NRXN1: variants seen among roughly 807,000 people sequenced by gnomAD.
NRXN1 encodes the protein neurexin 1, also known as neurexin-1.
NRXN1 carries 39 observed loss-of-function variants against 150.9 expected under a neutral mutation model. That is an observed-to-expected ratio of 0.26 (90% CI 0.20 to 0.34). The LOEUF is 0.34. Ranked by LOEUF, NRXN1 falls within the 10% of genes least tolerant of loss-of-function variation. NRXN1 has a pLI of 1.00. For synonymous variants in NRXN1, 924 were observed against 757.0 expected (o/e 1.22, Z -3.62); for missense variants, 1,815 against 1,949.9 (o/e 0.93, Z 1.30).
intron 5 of NRXN1, among the ~76,000 whole-genome samples, chr2:50,770,800 A>G (rs909613317): frequency 6.6e-6 from 1 of 152,066 alleles, no homozygotes; most frequent in African/African-American, 2.4e-5. Context: ...GAGAGAGAGT[A>G]AAGTAATTAG....
chr2:50,460,310 C>G (rs936915017), intron 17 of NRXN1, among the ~76,000 whole-genome samples: 1 of 152,092 alleles, frequency 6.6e-6, no homozygotes, highest in Non-Finnish European at 1.5e-5. Flanking sequence ...AGAAAACATT[C>G]TGACTGGGTT....
intron 2 of NRXN1, among the ~76,000 whole-genome samples, chr2:50,940,661 T>C (rs575879395): frequency 6.6e-6 from 1 of 152,226 alleles, no homozygotes; most frequent in Admixed American, 6.5e-5. Flanking sequence ...TACTTAAGGA[T>C]AGTAAGTACA....
chr2:50,665,411 T>C (rs895245241), intron 5 of NRXN1, among the ~76,000 whole-genome samples: 3 of 151,938 alleles, frequency 2.0e-5, no homozygotes, highest in African/African-American at 7.2e-5. Context: ...ATCTCAACTC[T>C]TTATGTTTTA....
chr2:50,749,759 G>T (rs1489201902), intron 5 of NRXN1, among the ~76,000 whole-genome samples: 2 of 151,914 alleles, frequency 1.3e-5, no homozygotes, highest in Admixed American at 1.3e-4. Context: ...AACCTCAAAG[G>T]TCATTTGAAT....
intron 18 of NRXN1, among the ~76,000 whole-genome samples, chr2:50,097,735 G>A (rs1442234903): frequency 1.3e-5 from 2 of 151,338 alleles, no homozygotes; most frequent in African/African-American, 2.4e-5. Flanking sequence ...TGCTTCCTTT[G>A]TTCAAGTGAT....
intron 21 of NRXN1, among the ~76,000 whole-genome samples, chr2:49,998,587 A>G (rs1683382482): frequency 6.6e-6 from 1 of 152,154 alleles, no homozygotes; most frequent in Non-Finnish European, 1.5e-5. Context: ...AAAATGAACC[A>G]ATTTTTGCTG....
chr2:50,073,222 T>C (rs1696567633), intron 19 of NRXN1, among the ~76,000 whole-genome samples: 1 of 152,226 alleles, frequency 6.6e-6, no homozygotes, highest in South Asian at 2.1e-4. Context: ...GACTATTCCC[T>C]GCACTTTAGC....
intron 17 of NRXN1, among the ~76,000 whole-genome samples, chr2:50,437,793 C>G (rs966821211): frequency 2.6e-5 from 4 of 152,104 alleles, no homozygotes; most frequent in African/African-American, 9.7e-5. Flanking sequence ...CAACGCTGGT[C>G]ACCAAGAATC....
chr2:50,223,316 T>C (rs757786798), intron 18 of NRXN1, among the ~76,000 whole-genome samples: 25 of 152,074 alleles, frequency 1.6e-4, no homozygotes, highest in African/African-American at 5.8e-4. Flanking sequence ...AATATCTACA[T>C]AGCACTCTCA....
intron 5 of NRXN1, among the ~76,000 whole-genome samples, chr2:50,768,634 A>G (rs766549444): frequency 6.6e-6 from 1 of 151,978 alleles, no homozygotes; most frequent in Non-Finnish European, 1.5e-5. Flanking sequence ...ACATTTGACT[A>G]GGAAGTCTCT....
At chr2:50,653,324 A>T (rs1685912868) in intron 5 of NRXN1, among the ~76,000 whole-genome samples, 1 of 152,076 alleles carries the variant, frequency 6.6e-6, no homozygotes, top group African/African-American at 2.4e-5. Flanking sequence ...AAAAGGAAGT[A>T]ACATACAGAA....
chr2:50,441,104 C>T (rs1277002547), intron 17 of NRXN1, among the ~76,000 whole-genome samples: 1 of 152,110 alleles, frequency 6.6e-6, no homozygotes, highest in African/African-American at 2.4e-5. Flanking sequence ...TTTTCTTCTA[C>T]AGAATTTTTG....
At chr2:50,287,415 T>C (rs2072337252) in intron 17 of NRXN1, among the ~76,000 whole-genome samples, 1 of 152,162 alleles carries the variant, frequency 6.6e-6, no homozygotes, top group African/African-American at 2.4e-5. Flanking sequence ...GACATTGTTG[T>C]CTTCCAAATG....
chr2:50,462,340 A>T (rs1304877417), intron 17 of NRXN1, among the ~76,000 whole-genome samples: 3 of 151,866 alleles, frequency 2.0e-5, no homozygotes, highest in African/African-American at 7.2e-5. Flanking sequence ...AGGAGAAAAA[A>T]AATATTGCCT....
chr2:50,836,449 C>T (rs888236461), intron 5 of NRXN1, among the ~76,000 whole-genome samples: 4 of 151,972 alleles, frequency 2.6e-5, no homozygotes, highest in African/African-American at 9.7e-5. Context: ...AAACTTTGTA[C>T]TCTTTAATCA....
chr2:49,999,124 C>T (rs1044726718), intron 21 of NRXN1, among the ~76,000 whole-genome samples: 5 of 152,080 alleles, frequency 3.3e-5, no homozygotes, highest in East Asian at 1.9e-4. Flanking sequence ...CCAGGTGATG[C>T]CTTTGCTGCT....
At chr2:49,978,937 G>C (rs545431457) in intron 21 of NRXN1, among the ~76,000 whole-genome samples, 1 of 152,128 alleles carries the variant, frequency 6.6e-6, no homozygotes, top group Non-Finnish European at 1.5e-5. Context: ...AAAGCAATCA[G>C]TGAACCTGAT....
chr2:50,985,717 T>C (rs916245392), intron 2 of NRXN1, among the ~76,000 whole-genome samples: 30 of 151,502 alleles, frequency 2.0e-4, no homozygotes, highest in African/African-American at 7.3e-4. Flanking sequence ...AATTGAGATA[T>C]GGGAGGCTGT....
At chr2:50,686,721 C>G (rs1485108224) in intron 5 of NRXN1, among the ~76,000 whole-genome samples, 2 of 152,146 alleles carry the variant, frequency 1.3e-5, no homozygotes, top group African/African-American at 4.8e-5. Context: ...AGGGAAAGTA[C>G]AATAGCGTTA....
Sources: allele counts gnomAD v4.1 joint callset (sites outside exome capture counted in the v4.1 genomes callset), GRCh38; gene constraint gnomAD v4.1.1; transcripts MANE v1.5; gene names NCBI Gene and HGNC (gene_info 2026-07-23, HGNC 2026-07-21).